Variants in KCNJ3 observed in about 807,000 individuals in gnomAD.
KCNJ3 encodes the protein G protein-activated inward rectifier potassium channel 1.
KCNJ3 carries 4 observed loss-of-function variants against 39.2 expected under a neutral mutation model. The observed-to-expected ratio is 0.10, with a 90% CI of 0.05 to 0.23. The LOEUF is 0.23. Among genes scored for constraint, KCNJ3 ranks in the 10% least tolerant of loss-of-function variants. KCNJ3 has a pLI of 1.00. For synonymous variants in KCNJ3, 230 were observed against 237.4 expected, an observed-to-expected ratio of 0.97 and a Z score of 0.29; for missense variants, 276 against 634.9, an observed-to-expected ratio of 0.43 and a Z score of 6.08.
chr2:154,829,919 C>CAGAT (rs539568396), intron 2 of KCNJ3, among the ~76,000 whole-genome samples: 1 of 151,962 alleles, frequency 6.6e-6, no homozygotes, highest in South Asian at 2.1e-4. Flanking sequence ...TTGTTGGTGA[C>CAGAT]AGATATATCT....
At chr2:154,780,855 G>T (rs1419349708) in intron 2 of KCNJ3, among the ~76,000 whole-genome samples, 1 of 152,102 alleles carries the variant, frequency 6.6e-6, no homozygotes, top group African/African-American at 2.4e-5. Context: ...GAAGAATAAT[G>T]GCTGCCCAAA....
chr2:154,783,797 C>T (rs1224275552), intron 2 of KCNJ3, among the ~76,000 whole-genome samples: 3 of 152,112 alleles, frequency 2.0e-5, no homozygotes, highest in African/African-American at 7.2e-5. Flanking sequence ...AACTCAATGG[C>T]AACTGTTTCC....
chr2:154,773,662 T>A (rs1686282097), intron 2 of KCNJ3, among the ~76,000 whole-genome samples: 1 of 152,178 alleles, frequency 6.6e-6, no homozygotes, highest in Non-Finnish European at 1.5e-5. Context: ...TGTATTTTAA[T>A]GCTCTTTTAA....
chr2:154,853,951 T>C (rs886653607), intron 2 of KCNJ3, among the ~76,000 whole-genome samples: 2 of 152,202 alleles, frequency 1.3e-5, no homozygotes, highest in East Asian at 3.9e-4. Flanking sequence ...ACACTGATTT[T>C]AGCATATGGA....
intron 2 of KCNJ3, among the ~76,000 whole-genome samples, chr2:154,844,341 G>A (rs751360795): frequency 6.6e-5 from 10 of 152,130 alleles, no homozygotes; most frequent in Admixed American, 1.3e-4. Flanking sequence ...AGGGGCAACC[G>A]CCTAGTGAGG....
chr2:154,826,886 C>T (rs987531975), intron 2 of KCNJ3, among the ~76,000 whole-genome samples: 1 of 152,258 alleles, frequency 6.6e-6, no homozygotes, highest in Non-Finnish European at 1.5e-5. Context: ...AAAGCAGGTA[C>T]ACTTCATTTA....
At chr2:154,787,023 C>T (rs141406212) in intron 2 of KCNJ3, among the ~76,000 whole-genome samples, 17 of 151,932 alleles carry the variant, frequency 1.1e-4, no homozygotes, top group African/African-American at 3.6e-4. Flanking sequence ...ATAATGATAA[C>T]GGTTGGCTTA....
chr2:154,788,329 T>C (rs1419470524), intron 2 of KCNJ3, among the ~76,000 whole-genome samples: 6 of 152,172 alleles, frequency 3.9e-5, no homozygotes, highest in Non-Finnish European at 8.8e-5. Flanking sequence ...ATTCAGCTGC[T>C]TTCTGGTAGA....
chr2:154,709,277 T>C (rs761145920), intron 1 of KCNJ3: 4 of 356,182 alleles, frequency 1.1e-5, no homozygotes, highest in Admixed American at 4.5e-5. Flanking sequence ...CCTGCAGTGA[T>C]TGCTGTCAAG....
At chr2:154,832,064 A>G (rs2971898) in intron 2 of KCNJ3, among the ~76,000 whole-genome samples, 30,915 of 151,922 alleles carry the variant, frequency 0.2, 3,404 homozygotes, top group East Asian at 0.36. Context: ...AGCTGTCTTT[A>G]GAATTAACAG....
Position 154,698,754 on chromosome 2 carries a change from A to G in KCNJ3, c.-22A>G, listed in dbSNP as rs1481066922. 30 of 1,510,198 alleles carry G rather than the reference A, an allele frequency of 2.0e-5. No homozygotes were observed. The highest frequency in any genetic ancestry group is 2.7e-5 in the Non-Finnish European group (30 of 1,107,326). The allele number at this position is 1,510,198 out of a possible 1,614,324, so 93.5% of individuals were successfully genotyped here. A position where few individuals can be genotyped will look rare whatever the true frequency, so the allele number is the denominator to read the frequency against. On this transcript the variant is annotated 5_prime_UTR_variant, in exon 1 of 3. Transcript: ENST00000295101. ...TCCTGCGCCTTCGCTTCGCGTTTGA[A>G]TCTGGCTCGCCCCTTCGTATTATGT...
At chr2:154,830,089 C>T (rs774820169) in intron 2 of KCNJ3, among the ~76,000 whole-genome samples, 10 of 152,150 alleles carry the variant, frequency 6.6e-5, no homozygotes, top group South Asian at 4.1e-4. Flanking sequence ...CCTTGAATTA[C>T]GTTATAAAAA....
chr2:154,810,821 C>T (rs1254181598), intron 2 of KCNJ3, among the ~76,000 whole-genome samples: 1 of 82,834 alleles, frequency 1.2e-5, no homozygotes. Context: ...TAAGAAACTG[C>T]AATGGCTAAA....
chr2:154,824,347 A>T (rs1687234247), intron 2 of KCNJ3, among the ~76,000 whole-genome samples: 1 of 152,160 alleles, frequency 6.6e-6, no homozygotes, highest in African/African-American at 2.4e-5. Context: ...AGAAAAATAA[A>T]ATAGAAATAA....
At chr2:154,851,628 T>G (rs180963124) in intron 2 of KCNJ3, among the ~76,000 whole-genome samples, 166 of 152,346 alleles carry the variant, frequency 1.1e-3, no homozygotes, top group African/African-American at 3.8e-3. Context: ...ATTTCAGATG[T>G]TGCCTCACTT....
intron 2 of KCNJ3, among the ~76,000 whole-genome samples, chr2:154,851,441 T>C (rs1687753890): frequency 6.6e-6 from 1 of 152,232 alleles, no homozygotes; most frequent in Non-Finnish European, 1.5e-5. Flanking sequence ...AGGCATTACC[T>C]AAACACCAAG....
intron 2 of KCNJ3, among the ~76,000 whole-genome samples, chr2:154,807,322 A>G (rs1686928449): frequency 6.6e-6 from 1 of 152,194 alleles, no homozygotes; most frequent in Non-Finnish European, 1.5e-5. Flanking sequence ...CATTCACAGA[A>G]ATAGTACAAT....
At chr2:154,731,254 C>G (rs1424683990) in intron 2 of KCNJ3, among the ~76,000 whole-genome samples, 1 of 152,118 alleles carries the variant, frequency 6.6e-6, no homozygotes, top group South Asian at 2.1e-4. Context: ...GAAATTCTGC[C>G]TATCAAAAAT....
intron 2 of KCNJ3, among the ~76,000 whole-genome samples, chr2:154,846,243 G>A (rs765723863): frequency 3.9e-5 from 6 of 152,028 alleles, no homozygotes; most frequent in Non-Finnish European, 5.9e-5. Flanking sequence ...AACATAGTCT[G>A]TATCAAATTG....
Sources: allele counts gnomAD v4.1 joint callset (sites outside exome capture counted in the v4.1 genomes callset), GRCh38; gene constraint gnomAD v4.1.1; transcripts MANE v1.5; gene names NCBI Gene and HGNC (gene_info 2026-07-23, HGNC 2026-07-21).